Variants in HS3ST4 observed in about 807,000 individuals in gnomAD.
HS3ST4 encodes the protein heparan sulfate-glucosamine 3-sulfotransferase 4.
Under a neutral mutation model 29.2 loss-of-function variants are expected in HS3ST4, and 17 were observed. The ratio of observed to expected loss-of-function variants is 0.58; its 90% confidence interval spans 0.40 to 0.87. The LOEUF is 0.87. Ranked by LOEUF, HS3ST4 falls within the 40% of genes least tolerant of loss-of-function variation. HS3ST4 has a pLI of 0.00. For missense variants in HS3ST4, 627 were observed against 634.5 expected, an observed-to-expected ratio of 0.99 and a Z score of 0.13; for synonymous variants, 314 against 285.7, an observed-to-expected ratio of 1.10 and a Z score of -1.00.
intron 1 of HS3ST4, among the ~76,000 whole-genome samples, chr16:26,120,339 T>C (rs192064965): frequency 1.3e-5 from 2 of 152,306 alleles, no homozygotes; most frequent in Admixed American, 1.3e-4. Context: ...TAGGATACAC[T>C]AATTAATTTA....
At chr16:25,764,374 A>T (rs1966805522) in intron 1 of HS3ST4, among the ~76,000 whole-genome samples, 1 of 152,216 alleles carries the variant, frequency 6.6e-6, no homozygotes, top group South Asian at 2.1e-4. Flanking sequence ...CATTTTACAG[A>T]TGGGGAAGCA....
intron 1 of HS3ST4, among the ~76,000 whole-genome samples, chr16:25,960,591 T>C (rs1174454785): frequency 6.6e-6 from 1 of 152,108 alleles, no homozygotes; most frequent in Non-Finnish European, 1.5e-5. Context: ...TGCTACAAAT[T>C]CTTTGGGGTT....
intron 1 of HS3ST4, among the ~76,000 whole-genome samples, chr16:25,819,038 G>A (rs1967122126): frequency 6.6e-6 from 1 of 152,112 alleles, no homozygotes; most frequent in Non-Finnish European, 1.5e-5. Context: ...GGAAACTGAG[G>A]CAGAAGAAAG....
intron 1 of HS3ST4, among the ~76,000 whole-genome samples, chr16:25,918,553 A>G (rs1161174428): frequency 6.6e-6 from 1 of 152,242 alleles, no homozygotes; most frequent in Non-Finnish European, 1.5e-5. Flanking sequence ...CGTGAGGCCA[A>G]TGGACTGAAA....
intron 1 of HS3ST4, among the ~76,000 whole-genome samples, chr16:25,702,865 A>G (rs773206364): frequency 1.3e-5 from 2 of 151,784 alleles, no homozygotes; most frequent in Non-Finnish European, 2.9e-5. Context: ...TAGCGGCTCA[A>G]CTCAACTCTT....
At chr16:25,749,964 A>C (rs1966708641) in intron 1 of HS3ST4, among the ~76,000 whole-genome samples, 1 of 152,204 alleles carries the variant, frequency 6.6e-6, no homozygotes, top group South Asian at 2.1e-4. Flanking sequence ...AAATTCACAA[A>C]ACTTTATACC....
intron 1 of HS3ST4, among the ~76,000 whole-genome samples, chr16:25,870,704 A>C (rs1219168449): frequency 1.3e-5 from 2 of 152,192 alleles, no homozygotes; most frequent in Admixed American, 1.3e-4. Context: ...TTTTAATAGG[A>C]TCGCTTAGTT....
Position 25,968,770 on chromosome 16 carries a change from A to C in HS3ST4, c.735-166842A>C, listed in dbSNP as rs77253247. ...TGATGTCTTAATACAGGTAAGGTGCACAGAACAGTGGTAGTCAGTTACCAT... is the reference window on the plus strand; with the variant it reads ...TGATGTCTTAATACAGGTAAGGTGCCCAGAACAGTGGTAGTCAGTTACCAT... On this transcript the variant is annotated intron_variant, in intron 1 of 1. Coordinates refer to ENST00000331351, the MANE Select transcript of HS3ST4 (RefSeq NM_006040.3). 5.3e-5 allele frequency among the ~76,000 whole-genome samples: 8 copies of C among 152,288 alleles called. No individual in the cohort carries two copies. The East Asian group carries it at 1.3e-3, about 26-fold the overall frequency.
chr16:25,693,397 C>G (rs1414367789), intron 1 of HS3ST4, among the ~76,000 whole-genome samples: 1 of 152,168 alleles, frequency 6.6e-6, no homozygotes. Context: ...CCGCGCTCCT[C>G]ATCCAAGGAG....
rs568413379 is a variant in HS3ST4 at position 26,006,478 on chromosome 16, C to A, written c.735-129134C>A. Among the ~76,000 whole-genome samples the A allele has an allele frequency of 3.3e-4, 50 of 151,914 alleles. 3 individuals are homozygous for A. The South Asian group carries it at 0.01, about 30-fold the overall frequency. ...CCAATTTATCAAGACAGGGGGACTGCAATAGAGAATGAGTTTAACTCATGC... is the reference window on the plus strand; with the variant it reads ...CCAATTTATCAAGACAGGGGGACTGAAATAGAGAATGAGTTTAACTCATGC... On this transcript the variant is annotated intron_variant, in intron 1 of 1. Transcript: ENST00000331351.
chr16:25,937,404 A>C (rs1461205192), intron 1 of HS3ST4, among the ~76,000 whole-genome samples: 3 of 152,162 alleles, frequency 2.0e-5, no homozygotes, highest in Non-Finnish European at 4.4e-5. Context: ...ATATCACTTG[A>C]GCTGAACATT....
chr16:25,860,694 G>T (rs906490537), intron 1 of HS3ST4, among the ~76,000 whole-genome samples: 1 of 152,188 alleles, frequency 6.6e-6, no homozygotes, highest in South Asian at 2.1e-4. Context: ...AAAATGATCA[G>T]TGGTGGCCAA....
intron 1 of HS3ST4, among the ~76,000 whole-genome samples, chr16:26,073,053 C>G (rs975094205): frequency 6.6e-6 from 1 of 152,134 alleles, no homozygotes; most frequent in African/African-American, 2.4e-5. Flanking sequence ...TAATACATGC[C>G]AAGACTTAGA....
intron 1 of HS3ST4, among the ~76,000 whole-genome samples, chr16:26,074,765 CT>C (rs1898640002): frequency 6.6e-6 from 1 of 152,162 alleles, no homozygotes; most frequent in African/African-American, 2.4e-5. Flanking sequence ...CTAATTTTAT[CT>C]CCTGCCTGCT....
chr16:26,134,951 T>G (rs1217156567), intron 1 of HS3ST4, among the ~76,000 whole-genome samples: 4 of 152,212 alleles, frequency 2.6e-5, no homozygotes, highest in Admixed American at 2.6e-4. Flanking sequence ...GGAAGTTTAT[T>G]TATAAACATT....
intron 1 of HS3ST4, among the ~76,000 whole-genome samples, chr16:25,785,123 A>G (rs1966856212): frequency 6.6e-6 from 1 of 152,216 alleles, no homozygotes; most frequent in Non-Finnish European, 1.5e-5. Context: ...TTATAAGCCC[A>G]CTGTTAAGAC....
intron 1 of HS3ST4, among the ~76,000 whole-genome samples, chr16:25,823,706 A>G (rs1451627677): frequency 6.6e-6 from 1 of 152,104 alleles, no homozygotes; most frequent in East Asian, 1.9e-4. Flanking sequence ...GATTACAGGC[A>G]TGCACCATGA....
At chr16:26,032,415 C>T (rs914520442) in intron 1 of HS3ST4, 2 of 678,276 alleles carry the variant, frequency 2.9e-6, no homozygotes, top group African/African-American at 3.9e-5. Context: ...TGTGTGCTAA[C>T]AACATAGCTT....
chr16:25,967,950 C>G (rs1043565230), intron 1 of HS3ST4, among the ~76,000 whole-genome samples: 1 of 152,194 alleles, frequency 6.6e-6, no homozygotes, highest in Non-Finnish European at 1.5e-5. Context: ...CTCTATCATT[C>G]TCATTAGATG....
Sources: gnomAD v4.1 joint callset for allele counts (sites outside exome capture counted in the v4.1 genomes callset) on GRCh38, gnomAD v4.1.1 for gene constraint, MANE v1.5 for transcripts, NCBI Gene and HGNC (gene_info 2026-07-23, HGNC 2026-07-21) for gene names.